FHL5: variants seen among roughly 807,000 people sequenced by gnomAD.
FHL5 encodes four and a half LIM domains protein 5.
A neutral mutation model predicts 32.0 loss-of-function variants in FHL5; 33 were observed. That is an observed-to-expected ratio of 1.03 (90% CI 0.78 to 1.38). The LOEUF (loss-of-function observed/expected upper bound fraction) is 1.38. Among genes scored for constraint, FHL5 ranks in the 40% most tolerant of loss-of-function variants. The pLI, the probability that FHL5 is intolerant of heterozygous loss-of-function variation, is 0.00. For synonymous variants in FHL5, 114 were observed against 113.6 expected, an observed-to-expected ratio of 1.00 and a Z score of -0.02; for missense variants, 336 against 343.9, an observed-to-expected ratio of 0.98 and a Z score of 0.18.
chr6:96,573,028 AAAG>A (rs146334142), intron 1 of FHL5, among the ~76,000 whole-genome samples: 4,995 of 152,258 alleles, frequency 0.033, 229 homozygotes, highest in African/African-American at 0.098. Context: ...ATACTTTTAG[AAAG>A]AAGATTAACC....
intron 4 of FHL5, among the ~76,000 whole-genome samples, chr6:96,609,992 T>C (rs1229681450): frequency 1.3e-5 from 2 of 152,322 alleles, no homozygotes; most frequent in Admixed American, 1.3e-4. Flanking sequence ...GTAGTTGTTA[T>C]TAGCAAATAA....
intron 4 of FHL5, among the ~76,000 whole-genome samples, chr6:96,607,853 A>G (rs1771318016): frequency 6.6e-6 from 1 of 151,966 alleles, no homozygotes. Flanking sequence ...TTAGCCAAGT[A>G]TGGTGACACG....
At chr6:96,594,246 T>C (rs1322898525) in intron 1 of FHL5, among the ~76,000 whole-genome samples, 2 of 107,184 alleles carry the variant, frequency 1.9e-5, no homozygotes, top group East Asian at 2.3e-4. Flanking sequence ...TATATATATA[T>C]ATATATATAT....
At chr6:96,605,864 T>C in intron 3 of FHL5, 38 bp from the exon 4 acceptor site, 1 of 1,564,872 alleles carries the variant, frequency 6.4e-7, no homozygotes, top group Non-Finnish European at 8.7e-7. Context: ...AAAATTATGC[T>C]TGACTTATAC....
intron 1 of FHL5, among the ~76,000 whole-genome samples, chr6:96,592,427 C>A (rs150721151): frequency 6.6e-6 from 1 of 152,260 alleles, no homozygotes; most frequent in East Asian, 1.9e-4. Flanking sequence ...TTGAACATTG[C>A]TGTTATCCTG....
chr6:96,609,703 A>T (rs1358263640), intron 4 of FHL5, among the ~76,000 whole-genome samples: 1 of 152,192 alleles, frequency 6.6e-6, no homozygotes, highest in East Asian at 1.9e-4. Flanking sequence ...GCATTTATTC[A>T]TTCATTCAAC....
chr6:96,610,501 C>A (rs1304752868), intron 4 of FHL5, 71 bp from the exon 5 acceptor site: 1 of 1,155,064 alleles, frequency 8.7e-7, no homozygotes, highest in Non-Finnish European at 1.3e-6. Flanking sequence ...ACTAGGATCT[C>A]AAAAGAATCA....
intron 1 of FHL5, among the ~76,000 whole-genome samples, chr6:96,585,457 A>G (rs551195025): frequency 1.9e-4 from 29 of 152,292 alleles, no homozygotes; most frequent in African/African-American, 6.7e-4. Context: ...CAGACTTTAC[A>G]TTAAAGGGCA....
At chr6:96,576,379 A>G (rs1418774344) in intron 1 of FHL5, among the ~76,000 whole-genome samples, 1 of 152,246 alleles carries the variant, frequency 6.6e-6, no homozygotes, top group East Asian at 1.9e-4. Context: ...ACAATTAGCC[A>G]GAGATAAAGC....
chr6:96,586,139 C>G (rs1196905500), intron 1 of FHL5, among the ~76,000 whole-genome samples: 1 of 152,198 alleles, frequency 6.6e-6, no homozygotes, highest in East Asian at 1.9e-4. Flanking sequence ...CCCAGCTCTT[C>G]GTGAGCACAA....
chr6:96,618,625 AAG>A (rs1295491456), exon 6 of FHL5, among the ~76,000 whole-genome samples: 1 of 152,244 alleles, frequency 6.6e-6, no homozygotes, highest in African/African-American at 2.4e-5. Flanking sequence ...CAAAAGTGAA[AAG>A]AAAGAGGAAG....
chr6:96,602,426 C>CTTTCTTTTTTT (rs1771169538), intron 1 of FHL5, among the ~76,000 whole-genome samples: 2 of 33,684 alleles, frequency 5.9e-5, no homozygotes, highest in Admixed American at 4.2e-4. Context: ...TGCGTTGTTT[C>CTTTCTTTTTTT]TTTTTTTTTT....
At chr6:96,601,936 G>A (rs138508737) in intron 1 of FHL5, among the ~76,000 whole-genome samples, 10 of 152,274 alleles carry the variant, frequency 6.6e-5, no homozygotes, top group South Asian at 2.1e-4. Context: ...AGAATTCAAT[G>A]TTCCTTTTAG....
intron 1 of FHL5, among the ~76,000 whole-genome samples, chr6:96,566,006 C>T (rs755307030): frequency 6.6e-6 from 1 of 151,992 alleles, no homozygotes; most frequent in Non-Finnish European, 1.5e-5. Flanking sequence ...GTGTTGGGAA[C>T]ATTTACAATC....
At chr6:96,595,189 T>C (rs1020607262) in intron 1 of FHL5, among the ~76,000 whole-genome samples, 7 of 151,912 alleles carry the variant, frequency 4.6e-5, no homozygotes, top group Non-Finnish European at 8.8e-5. Flanking sequence ...ATAGCTTTTG[T>C]CAACTTAAAT....
intron 1 of FHL5, among the ~76,000 whole-genome samples, chr6:96,589,869 T>A (rs1368398633): frequency 6.6e-6 from 1 of 152,036 alleles, no homozygotes; most frequent in Non-Finnish European, 1.5e-5. Context: ...TAATCTAGTT[T>A]CATTCTTTTT....
Position 96,587,660 on chromosome 6 carries a change from C to T in FHL5, c.-12-15942C>T, listed in dbSNP as rs1361175314. Among the ~76,000 whole-genome samples, 6 of 152,040 alleles carry T rather than the reference C, an allele frequency of 3.9e-5. No individual in the cohort carries two copies. The South Asian group carries it at 6.2e-4, about 16-fold the overall frequency. On this transcript the variant is annotated intron_variant, in intron 1 of 5. Coordinates refer to ENST00000450218, the MANE Select transcript of FHL5 (RefSeq NM_001322466.2). ...AAACATCCCCTTTATATTTGAAACCCGTTGTGCAACATCCCAATTTATTTT... is the reference window on the plus strand; with the variant it reads ...AAACATCCCCTTTATATTTGAAACCTGTTGTGCAACATCCCAATTTATTTT...
intron 4 of FHL5, 50 bp from the exon 5 acceptor site, chr6:96,610,522 T>C (rs375607020): frequency 3.4e-4 from 465 of 1,354,190 alleles, no homozygotes; most frequent in Admixed American, 4.4e-4. Flanking sequence ...TGAAATGATC[T>C]GAATTGTAAT....
intron 1 of FHL5, among the ~76,000 whole-genome samples, chr6:96,575,337 A>T (rs1291103241): frequency 1.3e-5 from 2 of 152,246 alleles, no homozygotes; most frequent in African/African-American, 4.8e-5. Flanking sequence ...AAATAGATAC[A>T]TAAATCACGT....
Sources: allele counts gnomAD v4.1 joint callset (sites outside exome capture counted in the v4.1 genomes callset), GRCh38; gene constraint gnomAD v4.1.1; transcripts MANE v1.5; gene names NCBI Gene and HGNC (gene_info 2026-07-23, HGNC 2026-07-21).